MRC1: variants seen among roughly 807,000 people sequenced by gnomAD.
The protein encoded by MRC1 is mannose receptor C-type 1.
A neutral mutation model predicts 102.9 loss-of-function variants in MRC1; 62 were observed. The observed-to-expected ratio is 0.60, with a 90% CI of 0.49 to 0.74. The LOEUF is 0.74. Ranked by LOEUF, MRC1 falls within the 30% of genes least tolerant of loss-of-function variation. MRC1 has a pLI of 0.00. For missense variants in MRC1, 1,237 were observed against 862.8 expected, an observed-to-expected ratio of 1.43 and a Z score of -5.43; for synonymous variants, 457 against 298.4, an observed-to-expected ratio of 1.53 and a Z score of -5.48.
intron 1 of MRC1, among the ~76,000 whole-genome samples, chr10:17,812,047 C>T (rs1838231550): frequency 6.6e-6 from 1 of 152,188 alleles, no homozygotes; most frequent in Non-Finnish European, 1.5e-5. Context: ...GGGAAGGTCT[C>T]CCTACTTGCC....
At chr10:17,878,112 T>G (rs1833462145) in intron 18 of MRC1, 145 bp downstream of exon 18, 2 of 625,854 alleles carry the variant, frequency 3.2e-6, no homozygotes, top group Non-Finnish European at 5.8e-6. Flanking sequence ...AAAAAAGGAA[T>G]TTAAAATGAT....
At chr10:17,825,372 G>A (rs1265725316) in intron 2 of MRC1, among the ~76,000 whole-genome samples, 2 of 152,174 alleles carry the variant, frequency 1.3e-5, no homozygotes, top group Non-Finnish European at 2.9e-5. Context: ...TGATGTGTCA[G>A]TGGGGTAGTT....
chr10:17,838,912 G>T (rs1838709799), intron 4 of MRC1, among the ~76,000 whole-genome samples: 1 of 152,172 alleles, frequency 6.6e-6, no homozygotes, highest in African/African-American at 2.4e-5. Flanking sequence ...AAATATTTTG[G>T]TCTGCTCTTT....
chr10:17,886,428 A>G (rs1833596474), intron 22 of MRC1, among the ~76,000 whole-genome samples: 1 of 148,282 alleles, frequency 6.7e-6, no homozygotes, highest in Non-Finnish European at 1.5e-5. Context: ...CTCTCAACCT[A>G]TTGCCACCCT....
intron 22 of MRC1, among the ~76,000 whole-genome samples, chr10:17,886,384 G>C (rs1040330334): frequency 2.3e-5 from 3 of 130,802 alleles, no homozygotes; most frequent in Admixed American, 1.8e-4. Flanking sequence ...CTCTTTCACT[G>C]TCCCTTTCCC....
intron 4 of MRC1, among the ~76,000 whole-genome samples, chr10:17,835,542 C>T (rs541282278): frequency 6.6e-5 from 10 of 152,134 alleles, no homozygotes; most frequent in East Asian, 5.8e-4. Context: ...GTGGAGATCG[C>T]GTCAGAGGGG....
intron 1 of MRC1, among the ~76,000 whole-genome samples, chr10:17,814,677 C>CTTTTTT (rs1179816829): frequency 5.9e-5 from 5 of 85,176 alleles, no homozygotes; most frequent in Admixed American, 4.1e-4. Context: ...TTCCGTCCCT[C>CTTTTTT]TTTTTTTTTT....
At chr10:17,813,681 AT>A (rs1320187042) in intron 1 of MRC1, among the ~76,000 whole-genome samples, 18 of 113,802 alleles carry the variant, frequency 1.6e-4, no homozygotes, top group South Asian at 8.9e-4. Flanking sequence ...ACACACACAC[AT>A]TATATATATA....
At chr10:17,881,941 A>G (rs1225828021) in intron 21 of MRC1, among the ~76,000 whole-genome samples, 1 of 140,750 alleles carries the variant, frequency 7.1e-6, no homozygotes, top group African/African-American at 2.7e-5. Context: ...TTAGGATTAC[A>G]GGTGTGAGTC....
chr10:17,868,488 G>A (rs1031084906), intron 12 of MRC1, among the ~76,000 whole-genome samples: 115 of 152,298 alleles, frequency 7.6e-4, no homozygotes, highest in African/African-American at 2.7e-3. Context: ...CTCCCTCAAT[G>A]TGGGGATTAC....
At position 17,816,944 on chromosome 10, in the gene MRC1, A is replaced by T. The variant is rs957584220; in HGVS notation, c.62-6130A>T. On this transcript the variant is annotated intron_variant, in intron 1 of 29. Coordinates refer to ENST00000569591, the MANE Select transcript of MRC1 (RefSeq NM_002438.4). ...TTGTTCAATGTTGCGGCATAATTTTAAAAATGCTTAAAAAAAATCCAGGCC... is the reference window on the plus strand; with the variant it reads ...TTGTTCAATGTTGCGGCATAATTTTTAAAATGCTTAAAAAAAATCCAGGCC... Among the ~76,000 whole-genome samples, 5 of 152,242 alleles carry T rather than the reference A, an allele frequency of 3.3e-5. 1 individual carries two copies. Among genetic ancestry groups the T allele is most frequent in the African/African-American group, 1.2e-4 (5 of 41,548 alleles).
intron 17 of MRC1, 68 bp from the exon 18 acceptor site, chr10:17,877,832 T>C: frequency 1.2e-6 from 1 of 867,884 alleles, no homozygotes. Context: ...TTAACATGTA[T>C]GTTTTGTTTA....
At chr10:17,825,524 T>C (rs1467486025) in intron 2 of MRC1, among the ~76,000 whole-genome samples, 1 of 152,120 alleles carries the variant, frequency 6.6e-6, no homozygotes, top group Non-Finnish European at 1.5e-5. Context: ...GAGGATCACT[T>C]GATTTCGGGA....
At chr10:17,887,333 G>A (rs1313977742) in intron 22 of MRC1, among the ~76,000 whole-genome samples, 5 of 152,214 alleles carry the variant, frequency 3.3e-5, no homozygotes, top group African/African-American at 1.2e-4. Flanking sequence ...GGAGCTTGTA[G>A]TGAGCCGAGA....
chr10:17,830,601 G>A (rs1487809079), intron 3 of MRC1, among the ~76,000 whole-genome samples: 1 of 151,236 alleles, frequency 6.6e-6, no homozygotes, highest in Admixed American at 6.6e-5. Context: ...CGTGAGAACA[G>A]GTAAAGGAAA....
chr10:17,898,800 T>C (rs1171364687), intron 24 of MRC1, among the ~76,000 whole-genome samples: 1 of 152,186 alleles, frequency 6.6e-6, no homozygotes, highest in Non-Finnish European at 1.5e-5. Flanking sequence ...GGCAGAAAAC[T>C]AAGAATGCTG....
In MRC1 at chr10:17,900,972, A is replaced by T. The variant is rs985386491; in HGVS notation, c.3649+19A>T. 5 of 777,936 alleles carry T rather than the reference A, an allele frequency of 6.4e-6. No homozygotes were observed. Among genetic ancestry groups the T allele is most frequent in the Non-Finnish European group, 9.6e-6 (4 of 416,544 alleles). 48.2% of individuals were successfully genotyped at this position (777,936 alleles called of 1,614,324 possible). ...TCAGATGGTAATTGAATATATAAAAACAGTCAGGGGATCTGAAAATTTCTG... is the reference window on the plus strand; with the variant it reads ...TCAGATGGTAATTGAATATATAAAATCAGTCAGGGGATCTGAAAATTTCTG... On this transcript the variant is annotated intron_variant, in intron 25 of 29. Transcript: ENST00000569591.
Position 17,850,153 on chromosome 10 carries a change from C to T in MRC1, c.1249+389C>T, listed in dbSNP as rs1280051462. Among the ~76,000 whole-genome samples, 23 of 151,536 alleles carry T rather than the reference C, an allele frequency of 1.5e-4. No individual in the cohort carries two copies. In the South Asian group the frequency reaches 4.4e-3, roughly 29 times the overall value. ...CTTTTTTTAGGTCCATATTTTATCT[C>T]CTAAAAAAGATTTCTAAATGGACTG... On this transcript the variant is annotated intron_variant, in intron 7 of 29. Transcript: ENST00000569591.
At chr10:17,862,690 T>C (rs1833201967) in intron 10 of MRC1, among the ~76,000 whole-genome samples, 1 of 152,220 alleles carries the variant, frequency 6.6e-6, no homozygotes, top group Non-Finnish European at 1.5e-5. Context: ...GGAATGAAAT[T>C]ATTTAGACTA....
Sources: allele counts gnomAD v4.1 joint callset (sites outside exome capture counted in the v4.1 genomes callset), GRCh38; gene constraint gnomAD v4.1.1; transcripts MANE v1.5; gene names NCBI Gene and HGNC (gene_info 2026-07-23, HGNC 2026-07-21).